The following PRKG1 variants were observed in gnomAD, a reference collection of about 807,000 sequenced individuals.
PRKG1 encodes cGMP-dependent protein kinase 1.
Under a neutral mutation model 88.1 loss-of-function variants are expected in PRKG1, and 35 were observed. The observed-to-expected ratio is 0.40, with a 90% CI of 0.30 to 0.53. PRKG1 has a LOEUF of 0.53. Ranked by LOEUF, PRKG1 falls within the 20% of genes least tolerant of loss-of-function variation. PRKG1 has a pLI of 0.59. For missense variants in PRKG1, 540 were observed against 839.8 expected (o/e 0.64, Z 4.41); for synonymous variants, 303 against 292.5 (o/e 1.04, Z -0.37).
In PRKG1 at chr10:52,272,489, A is replaced by C. The variant is rs1487876369; in HGVS notation, c.1403+8A>C. 4.4e-6 allele frequency: 7 copies of C among 1,578,142 alleles called. No homozygotes were observed. In the South Asian group the frequency reaches 6.7e-5, roughly 15 times the overall value. On this transcript the variant is annotated splice_region_variant and intron_variant, in intron 12 of 17. Transcript: ENST00000373980. ...GACCATTCTCAGGGATAGGTAGGAG[A>C]TTTAAGAAATTTCTATGATATCTCT... is the stretch of plus-strand genomic sequence containing the variant.
intron 7 of PRKG1, among the ~76,000 whole-genome samples, chr10:52,083,905 T>C (rs1273439016): frequency 6.6e-6 from 1 of 152,070 alleles, no homozygotes; most frequent in Non-Finnish European, 1.5e-5. Context: ...CAGTGGGTAC[T>C]AAAACGAAAT....
intron 1 of PRKG1, among the ~76,000 whole-genome samples, chr10:51,003,448 G>A (rs1024074699): frequency 3.3e-5 from 5 of 152,122 alleles, no homozygotes; most frequent in African/African-American, 2.4e-5. Flanking sequence ...TGGGCTTCTT[G>A]ATATTAGAGC....
At chr10:51,360,216 G>A (rs1842450875) in intron 2 of PRKG1, among the ~76,000 whole-genome samples, 1 of 151,898 alleles carries the variant, frequency 6.6e-6, no homozygotes, top group Non-Finnish European at 1.5e-5. Flanking sequence ...TACTGGAGAT[G>A]TATGAATTCA....
chr10:51,412,221 G>GAGAA (rs1838113462), intron 2 of PRKG1, among the ~76,000 whole-genome samples: 1 of 138,210 alleles, frequency 7.2e-6, no homozygotes, highest in Non-Finnish European at 1.6e-5. Context: ...GAGAAAGAAA[G>GAGAA]AGAGAAAGAA....
At chr10:52,058,265 T>C (rs1846156046) in intron 6 of PRKG1, among the ~76,000 whole-genome samples, 1 of 152,030 alleles carries the variant, frequency 6.6e-6, no homozygotes. Flanking sequence ...TAGCTGCTAG[T>C]AGTGGCTGTC....
intron 5 of PRKG1, among the ~76,000 whole-genome samples, chr10:51,921,484 TG>T (rs1842462264): frequency 6.6e-6 from 1 of 152,126 alleles, no homozygotes; most frequent in Non-Finnish European, 1.5e-5. Context: ...ATCCTTGTCT[TG>T]GTTTTGATCT....
chr10:51,810,128 T>C (rs1019637451), intron 4 of PRKG1, among the ~76,000 whole-genome samples: 3 of 152,214 alleles, frequency 2.0e-5, no homozygotes, highest in Admixed American at 1.3e-4. Context: ...TTTCCCTTCC[T>C]TGAGTTGAAT....
At chr10:51,704,177 A>T (rs577320210) in intron 3 of PRKG1, among the ~76,000 whole-genome samples, 108 of 151,148 alleles carry the variant, frequency 7.1e-4, no homozygotes, top group Admixed American at 2.5e-3. Flanking sequence ...ATAAATAAAT[A>T]AAATTAAATT....
At chr10:51,398,541 G>C (rs1191171954) in intron 2 of PRKG1, among the ~76,000 whole-genome samples, 1 of 152,190 alleles carries the variant, frequency 6.6e-6, no homozygotes, top group African/African-American at 2.4e-5. Flanking sequence ...GGGCTAAAGA[G>C]TGACCATGGC....
chr10:51,519,139 T>A (rs1002791909), intron 3 of PRKG1, among the ~76,000 whole-genome samples: 2 of 152,226 alleles, frequency 1.3e-5, no homozygotes, highest in Admixed American at 1.3e-4. Flanking sequence ...GTTGGTAATA[T>A]ACATCATTTA....
rs1398385538 is a variant in PRKG1, at chr10:51,553,890, TAA to T, written c.592+86055_592+86056del. Among the ~76,000 whole-genome samples, 171 of 123,972 alleles carry T rather than the reference TAA, an allele frequency of 1.4e-3. 5 individuals carry two copies. Among genetic ancestry groups the T allele is most frequent in the Middle Eastern group, 4.3e-3 (1 of 232 alleles). 81.3% of individuals were successfully genotyped at this position (123,972 alleles called of 152,430 possible). A position where few individuals can be genotyped will look rare whatever the true frequency, so the allele number is the denominator to read the frequency against. ...TATGTATGTATTAGATACGTGTATA[TAA>T]TATATGTATGTATTAGATACGTGTA... On this transcript the variant is annotated intron_variant, in intron 3 of 17. Transcript: ENST00000373980.
chr10:51,499,883 C>T (rs1840972123), intron 3 of PRKG1, among the ~76,000 whole-genome samples: 1 of 152,128 alleles, frequency 6.6e-6, no homozygotes, highest in Admixed American at 6.6e-5. Context: ...CACTTGAACC[C>T]AGGAAGTCGA....
chr10:51,931,223 A>G (rs1842688628), intron 5 of PRKG1, among the ~76,000 whole-genome samples: 3 of 152,206 alleles, frequency 2.0e-5, no homozygotes, highest in African/African-American at 7.2e-5. Flanking sequence ...TTATTAGACC[A>G]TCTTTTGTTA....
intron 1 of PRKG1, among the ~76,000 whole-genome samples, chr10:51,015,506 A>T (rs1047600730): frequency 6.6e-6 from 1 of 152,372 alleles, no homozygotes; most frequent in East Asian, 1.9e-4. Context: ...TATTTAAATC[A>T]GTATCTACAA....
intron 3 of PRKG1, among the ~76,000 whole-genome samples, chr10:51,569,505 G>A (rs1314563783): frequency 1.3e-5 from 2 of 151,998 alleles, no homozygotes; most frequent in Non-Finnish European, 2.9e-5. Flanking sequence ...TCTGCCTTTT[G>A]TAAAATGCTT....
intron 3 of PRKG1, among the ~76,000 whole-genome samples, chr10:51,722,546 A>T (rs760655796): frequency 3.3e-5 from 5 of 152,122 alleles, no homozygotes; most frequent in Non-Finnish European, 7.4e-5. Context: ...CTTTTGCAAT[A>T]ACCTTATGAT....
At chr10:52,055,180 C>T (rs4457701) in intron 6 of PRKG1, among the ~76,000 whole-genome samples, 54,906 of 152,078 alleles carry the variant, frequency 0.36, 10,487 homozygotes, top group Non-Finnish European at 0.44. Context: ...CAAAATTCAT[C>T]AAGTCATTAG....
At chr10:52,114,220 G>A (rs1034703432) in intron 7 of PRKG1, among the ~76,000 whole-genome samples, 13 of 152,032 alleles carry the variant, frequency 8.6e-5, no homozygotes. Context: ...GTCTAAGGCT[G>A]GGGAGATAAT....
At position 52,296,987 on chromosome 10, in the gene PRKG1, A is replaced by G. The variant is rs898813255; in HGVS notation, c.*3087A>G. On this transcript the variant is annotated 3_prime_UTR_variant, in exon 18 of 18. Coordinates refer to ENST00000373980, the MANE Select transcript of PRKG1 (RefSeq NM_006258.4). ...ATTTTTCCTGTTTCATTTCTAAATG[A>G]CTGAACTGATGGTAAACAAATTTAA... 13 of 152,102 alleles carry G rather than the reference A, an allele frequency of 8.5e-5. No homozygotes were observed. Among genetic ancestry groups the G allele is most frequent in the African/African-American group, 2.9e-4 (12 of 41,440 alleles). The allele number at this position is 152,102 out of a possible 1,614,324, so 9.4% of individuals were successfully genotyped here.
Sources: allele counts gnomAD v4.1 joint callset (sites outside exome capture counted in the v4.1 genomes callset), GRCh38; gene constraint gnomAD v4.1.1; transcripts MANE v1.5; gene names NCBI Gene and HGNC (gene_info 2026-07-23, HGNC 2026-07-21).